Variants in RDH5 observed in about 807,000 individuals in gnomAD.
RDH5 encodes the protein 11-cis RDH.
RDH5 carries 25 observed loss-of-function variants against 24.0 expected under a neutral mutation model. The observed-to-expected ratio is 1.04, with a 90% CI of 0.76 to 1.46. RDH5 has a LOEUF of 1.46. Ranked by LOEUF, RDH5 falls within the 40% of genes most tolerant of loss-of-function variation. RDH5 has a pLI of 0.00. For synonymous variants in RDH5, 170 were observed against 175.2 expected (o/e 0.97, Z 0.23); for missense variants, 369 against 410.3 (o/e 0.90, Z 0.87).
chr12:55,724,654 G>T lies in RDH5; in HGVS notation c.*109G>T. 2 of 1,024,650 alleles carry T rather than the reference G, an allele frequency of 2.0e-6. No homozygotes were observed. Among genetic ancestry groups the T allele is most frequent in the Non-Finnish European group, 3.0e-6 (2 of 675,066 alleles). 63.5% of individuals were successfully genotyped at this position (1,024,650 alleles called of 1,614,324 possible). ...TGCCACAAAATAAGCACTAACAAAAGTGTATTGTTTAAAAAATAAAAAGAA... is the reference window on the plus strand; with the variant it reads ...TGCCACAAAATAAGCACTAACAAAATTGTATTGTTTAAAAAATAAAAAGAA... On this transcript the variant is annotated 3_prime_UTR_variant, in exon 5 of 5. Coordinates refer to ENST00000257895, the MANE Select transcript of RDH5 (RefSeq NM_002905.5).
rs62638191 is a variant in RDH5, at chr12:55,724,028, G to T, written c.712G>T (p.Gly238Trp). 2.8e-4 allele frequency: 453 copies of T among 1,611,424 alleles called. No homozygotes were observed. Among genetic ancestry groups the T allele is most frequent in the Admixed American group, 3.5e-4 (21 of 60,008 alleles). Residue 238 changes from glycine (G) to tryptophan (W), a missense_variant, in exon 4 of 5, where the codon GGG becomes TGG. Physicochemically the swap from Gly to Trp is radical, Grantham distance 184 (BLOSUM62 -2). Transcript: ENST00000257895. ...GCCTCCTGCCACACAGGCCCACTATGGGGGGGCCTTCCTCACCAAGTGTGA... is the reference window on the plus strand; with the variant it reads ...GCCTCCTGCCACACAGGCCCACTATTGGGGGGCCTTCCTCACCAAGTGTGA... ...RLPPATQAHYGGAFLTKYLKM... is the reference protein window; with the variant it reads ...RLPPATQAHYWGAFLTKYLKM...
chr12:55,722,654 GC>G (rs1439998840), intron 3 of RDH5: 1 of 151,870 alleles, frequency 6.6e-6, no homozygotes, highest in African/African-American at 2.4e-5. Context: ...TCCTGCCTCA[GC>G]CTCCCGATTA....
rs1877035125 is a variant in RDH5 at position 55,723,666 on chromosome 12, A to G, written c.570-220A>G. ...AATATTAACTCTCTGGCCCTTTAAG[A>G]AAAAAACGTGCTGACCCCTGCTCTA... On this transcript the variant is annotated intron_variant, in intron 3 of 4. Coordinates refer to ENST00000257895, the MANE Select transcript of RDH5 (RefSeq NM_002905.5). The G allele has an allele frequency of 7.0e-6, 4 of 572,516 alleles. No homozygotes were observed. The Admixed American group carries it at 1.2e-4, about 17-fold the overall frequency. The allele number at this position is 572,516 out of a possible 1,614,324, so 35.5% of individuals were successfully genotyped here. A position where few individuals can be genotyped will look rare whatever the true frequency, so the allele number is the denominator to read the frequency against.
chr12:55,724,342 A>T lies in RDH5; in HGVS notation c.754A>T (p.Ile252Phe). The T allele has an allele frequency of 6.2e-7, 1 of 1,614,188 alleles. No homozygotes were observed. The highest frequency in any genetic ancestry group is 2.2e-5 in the East Asian group (1 of 44,876). ...TGCAGACCTGAAAATGCAACAGCGC[A>T]TCATGAACCTGATCTGTGACCCGGA... is the stretch of plus-strand genomic sequence containing the variant. ...LTKYLKMQQR[I>F]MNLICDPDLT... The change falls in exon 5 of 5, where the codon ATC becomes TTC. Residue 252 changes from isoleucine (I) to phenylalanine (F), a missense_variant. Transcript: ENST00000257895.
At chr12:55,722,080 T>TGAAC in intron 3 of RDH5, 133 bp downstream of exon 3, 43 of 816,982 alleles carry the variant, frequency 5.3e-5, no homozygotes, top group Non-Finnish European at 7.8e-5. Flanking sequence ...CTTCATGGGT[T>TGAAC]CAATGAAGTC....
chr12:55,721,460 A>C lies in RDH5; in HGVS notation c.276A>C (p.Ala92=), dbSNP rs1476878932. The C allele has an allele frequency of 1.2e-6, 2 of 1,611,880 alleles. No homozygotes were observed. Among genetic ancestry groups the C allele is most frequent in the Non-Finnish European group, 1.7e-6 (2 of 1,180,012 alleles). ...DITDPQSVQQ[A]AKWVEMHVKE... is the part of the protein sequence containing the mutation. ...CTGATCCCCAGAGCGTCCAGCAGGC[A>C]GCCAAGTGGGTGGAGATGCACGTTA... is the stretch of plus-strand genomic sequence containing the variant. Residue 92 remains alanine (A), a synonymous_variant, in exon 2 of 5, where the codon GCA becomes GCC. Coordinates refer to ENST00000257895, the MANE Select transcript of RDH5 (RefSeq NM_002905.5). The surrounding 1 kb of genome is among the most constrained non-coding windows in gnomAD (Gnocchi z 4.7).
At chr12:55,724,262 TACCTA>T in intron 4 of RDH5, 55 bp from the exon 5 acceptor site, 2 of 1,588,742 alleles carry the variant, frequency 1.3e-6, no homozygotes, top group Admixed American at 3.4e-5. Context: ...CAGAAGACAG[TACCTA>T]AGATGGGCTG....
In RDH5 at chr12:55,724,490, TG is replaced by T; in HGVS notation, c.904del (p.Val302TrpfsTer52). Reference sequence around the variant, plus strand: ...CCTGCCTCCTACCTGCCAGCCAGCCTGGTGGATGCTGTGCTCACCTGGGTCC... The same window carrying T: ...CCTGCCTCCTACCTGCCAGCCAGCCTGTGGATGCTGTGCTCACCTGGGTCC... ...WLPASYLPASLVDAVLTWVLP... is the reference protein window; with the variant it reads ...WLPASYLPASXVDAVLTWVLP... On this transcript the variant is annotated frameshift_variant, in exon 5 of 5. Transcript: ENST00000257895. LOFTEE classifies it high-confidence loss of function. The T allele has an allele frequency of 6.2e-7, 1 of 1,613,666 alleles. No homozygotes were observed. Among genetic ancestry groups the T allele is most frequent in the Non-Finnish European group, 8.5e-7 (1 of 1,180,026 alleles).
At chr12:55,723,826 C>T (rs1036591325) in intron 3 of RDH5, 60 bp from the exon 4 acceptor site, 28 of 1,593,160 alleles carry the variant, frequency 1.8e-5, no homozygotes, top group Non-Finnish European at 2.2e-5. Context: ...AACCCATGTC[C>T]CTCAAAGTCC....
Position 55,721,733 on chromosome 12 carries a change from G to A in RDH5, c.355G>A (p.Gly119Arg), listed in dbSNP as rs778777287. 1.1e-5 allele frequency: 18 copies of A among 1,613,206 alleles called. No homozygotes were observed. Among genetic ancestry groups the A allele is most frequent in the Admixed American group, 5.0e-5 (3 of 60,004 alleles). The change falls in exon 3 of 5, where the codon GGA becomes AGA. Residue 119 changes from glycine (G) to arginine (R), a missense_variant. By Grantham distance (125) the Gly-to-Arg change is moderately radical (BLOSUM62 -2). Transcript: ENST00000257895. This position sits in a 1 kb window ranked among gnomAD's most constrained non-coding sequence, Gnocchi z 4.7. ...TAATGCTGGTGTGGCTGGTATCATC[G>A]GACCCACACCATGGCTGACCCGGGA... is the stretch of plus-strand genomic sequence containing the variant. ...VNNAGVAGII[G>R]PTPWLTRDDF...
rs3138135 is a variant in RDH5, at chr12:55,723,868, G to A, written c.570-18G>A. 1,046 of 1,612,410 alleles carry A rather than the reference G, an allele frequency of 6.5e-4. 8 individuals carry two copies. In the African/African-American group the frequency reaches 0.012, roughly 19 times the overall value. On this transcript the variant is annotated intron_variant, in intron 3 of 4. Transcript: ENST00000257895. Reference sequence around the variant, plus strand: ...TATAGGGCAAGAACCCAGCAACTTCGCTCTGCCCCGACTCTAGGCGGGATG... The same window carrying A: ...TATAGGGCAAGAACCCAGCAACTTCACTCTGCCCCGACTCTAGGCGGGATG...
chr12:55,724,553 C>T lies in RDH5; in HGVS notation c.*8C>T, dbSNP rs1303685650. On this transcript the variant is annotated 3_prime_UTR_variant, in exon 5 of 5. Coordinates refer to ENST00000257895, the MANE Select transcript of RDH5 (RefSeq NM_002905.5). ...GCCCAAGCAGTCTACTGAATCCAGC[C>T]TTCCAGCAAGAGATTGTTTTTCAAG... The T allele has an allele frequency of 1.9e-6, 3 of 1,607,644 alleles. No homozygotes were observed. The highest frequency in any genetic ancestry group is 2.5e-6 in the Non-Finnish European group (3 of 1,178,834).
Position 55,724,367 on chromosome 12 carries a change from A to C in RDH5, c.779A>C (p.Asp260Ala). ...QRIMNLICDP[D>A]LTKVSRCLEH... ...ATCATGAACCTGATCTGTGACCCGGACCTAACCAAGGTGAGCCGATGCCTG... is the reference window on the plus strand; with the variant it reads ...ATCATGAACCTGATCTGTGACCCGGCCCTAACCAAGGTGAGCCGATGCCTG... Residue 260 changes from aspartate to alanine, a missense_variant, in exon 5 of 5, where the codon GAC (aspartate) becomes GCC (alanine). Coordinates refer to ENST00000257895, the MANE Select transcript of RDH5 (RefSeq NM_002905.5). 6.2e-7 allele frequency: 1 copy of C among 1,614,170 alleles called. No homozygotes were observed.
rs1592524823 is a variant in RDH5, at chr12:55,724,132, G to A, written c.733+83G>A. The A allele has an allele frequency of 5.8e-6, 9 of 1,538,696 alleles. No homozygotes were observed. In the South Asian group the frequency reaches 8.2e-5, roughly 14 times the overall value. ...GTCCTGCATAAGCCTGCTAGGAGGT[G>A]GGTGGGGCACCCAGGGCAGGGTTGA... On this transcript the variant is annotated intron_variant, in intron 4 of 4. Transcript: ENST00000257895.
In RDH5 at chr12:55,724,364, C is replaced by A. The variant is rs748586229; in HGVS notation, c.776C>A (p.Pro259Gln). 15 of 1,614,198 alleles carry A rather than the reference C, an allele frequency of 9.3e-6. No homozygotes were observed. Among genetic ancestry groups the A allele is most frequent in the Non-Finnish European group, 1.1e-5 (13 of 1,180,040 alleles). The change falls in exon 5 of 5, where the codon CCG becomes CAG. Residue 259 changes from proline to glutamine, a missense_variant. Transcript: ENST00000257895. Reference sequence around the variant, plus strand: ...CGCATCATGAACCTGATCTGTGACCCGGACCTAACCAAGGTGAGCCGATGC... The same window carrying A: ...CGCATCATGAACCTGATCTGTGACCAGGACCTAACCAAGGTGAGCCGATGC... ...QQRIMNLICD[P>Q]DLTKVSRCLE...
chr12:55,721,507 G>C lies in RDH5; in HGVS notation c.310+13G>C. The C allele has an allele frequency of 6.2e-7, 1 of 1,603,338 alleles. No homozygotes were observed. Among genetic ancestry groups the C allele is most frequent in the Non-Finnish European group, 8.5e-7 (1 of 1,179,938 alleles). ...GTTAAGGAAGCAGGTAAGTATGGTA[G>C]ACCACCAGGAATATGGTGTGGGGTG... On this transcript the variant is annotated intron_variant, in intron 2 of 4. Transcript: ENST00000257895. This position sits in a 1 kb window ranked among gnomAD's most constrained non-coding sequence, Gnocchi z 4.7.
intron 3 of RDH5, 51 bp from the exon 4 acceptor site, chr12:55,723,835 C>T (rs542661978): frequency 6.2e-6 from 10 of 1,604,150 alleles, no homozygotes; most frequent in Middle Eastern, 3.3e-4. Flanking sequence ...CCCTCAAAGT[C>T]CCCTCCCTAT....
chr12:55,722,690 C>T (rs1876985504), intron 3 of RDH5: 1 of 152,040 alleles, frequency 6.6e-6, no homozygotes, highest in South Asian at 2.1e-4. Context: ...CACGTGCCAC[C>T]ACTCCCAGCT....
chr12:55,722,168 T>C (rs915051927), intron 3 of RDH5: 1 of 559,266 alleles, frequency 1.8e-6, no homozygotes, highest in Non-Finnish European at 3.1e-6. Context: ...TTTTGTTTTT[T>C]GAGATGGAGT....
Sources: allele counts gnomAD v4.1 joint callset, GRCh38; gene constraint gnomAD v4.1.1; non-coding constraint Gnocchi (gnomAD v3.1); transcripts MANE v1.5; gene names NCBI Gene and HGNC (gene_info 2026-07-23, HGNC 2026-07-21).